Variants in KCTD16 observed in about 807,000 individuals in gnomAD.
KCTD16 encodes BTB/POZ domain-containing protein KCTD16.
Under a neutral mutation model 33.2 loss-of-function variants are expected in KCTD16, and 13 were observed. The ratio of observed to expected loss-of-function variants is 0.39; its 90% CI spans 0.25 to 0.62. KCTD16 has a LOEUF of 0.62. Ranked by LOEUF, KCTD16 falls within the 20% of genes least tolerant of loss-of-function variation. The pLI is 0.50. For synonymous variants in KCTD16, 197 were observed against 195.3 expected (o/e 1.01, Z -0.07); for missense variants, 441 against 525.1 (o/e 0.84, Z 1.57).
chr5:144,475,249 A>C lies in KCTD16; in HGVS notation c.*1135A>C, dbSNP rs771229611. On this transcript the variant is annotated 3_prime_UTR_variant, in exon 4 of 4. Transcript: ENST00000512467. ...ACACAACCTAATAATTTCTTATAAA[A>C]ATTTTAAACTACAAAGCTACATTTT... 6 of 152,224 alleles carry C rather than the reference A, an allele frequency of 3.9e-5. No individual in the cohort carries two copies. The highest frequency in any genetic ancestry group is 8.8e-5 in the Non-Finnish European group (6 of 68,040). 9.4% of individuals were successfully genotyped at this position (152,224 alleles called of 1,614,324 possible).
intron 3 of KCTD16, among the ~76,000 whole-genome samples, chr5:144,327,833 G>A (rs1190659405): frequency 1.3e-5 from 2 of 151,830 alleles, no homozygotes; most frequent in Non-Finnish European, 2.9e-5. Context: ...ATAATTATTT[G>A]GGTTCCTAAT....
rs182325728 is a variant in KCTD16 at position 144,299,266 on chromosome 5, C to A, written c.832+91720C>A. 1.8e-4 allele frequency among the ~76,000 whole-genome samples: 27 copies of A among 148,838 alleles called. No homozygotes were observed. The East Asian group carries it at 4.4e-3, about 24-fold the overall frequency. On this transcript the variant is annotated intron_variant, in intron 3 of 3. Transcript: ENST00000512467. ...AACCTCTTTCATTTTCAACCTTTTC[C>A]TCAAAAAGAACCAAGAAGGGAAACA...
chr5:144,416,907 CAT>C (rs1308576997), intron 3 of KCTD16, among the ~76,000 whole-genome samples: 1 of 152,140 alleles, frequency 6.6e-6, no homozygotes, highest in African/African-American at 2.4e-5. Flanking sequence ...TTTCCCCTAA[CAT>C]AATGTTTGGA....
intron 3 of KCTD16, among the ~76,000 whole-genome samples, chr5:144,304,977 C>CTTT (rs146638360): frequency 5.2e-4 from 43 of 83,406 alleles, no homozygotes; most frequent in South Asian, 1.4e-3. Flanking sequence ...ATATCAAAAT[C>CTTT]TTTTTTTTTT....
chr5:144,207,548 T>C lies in KCTD16; in HGVS notation c.832+2T>C. On this transcript the variant is annotated splice_donor_variant, in intron 3 of 3. Coordinates refer to ENST00000512467, the MANE Select transcript of KCTD16 (RefSeq NM_020768.4). LOFTEE classifies it high-confidence loss of function. ...GCTACACTGAATATGTCTTCTACCGTAAGTACAAAGGGTTGTTTTAATTTT... is the reference window on the plus strand; with the variant it reads ...GCTACACTGAATATGTCTTCTACCGCAAGTACAAAGGGTTGTTTTAATTTT... The C allele has an allele frequency of 6.2e-7, 1 of 1,603,928 alleles. No homozygotes were observed. The highest frequency in any genetic ancestry group is 8.5e-7 in the Non-Finnish European group (1 of 1,172,870).
intron 3 of KCTD16, among the ~76,000 whole-genome samples, chr5:144,258,381 G>A (rs953410352): frequency 9.2e-5 from 14 of 151,870 alleles, no homozygotes; most frequent in African/African-American, 3.1e-4. Context: ...ATTTATCATG[G>A]TATTCAAGTT....
At chr5:144,243,568 ATTTAT>A (rs1199299707) in intron 3 of KCTD16, among the ~76,000 whole-genome samples, 2 of 151,928 alleles carry the variant, frequency 1.3e-5, no homozygotes, top group Non-Finnish European at 2.9e-5. Context: ...AATCCCAGAC[ATTTAT>A]TTGAAAAAAC....
chr5:144,407,464 A>C (rs1167358743), intron 3 of KCTD16, among the ~76,000 whole-genome samples: 1 of 151,966 alleles, frequency 6.6e-6, no homozygotes, highest in South Asian at 2.1e-4. Context: ...TTTAGCGTAC[A>C]TATTATTTTG....
intron 3 of KCTD16, among the ~76,000 whole-genome samples, chr5:144,318,774 C>G (rs1751994323): frequency 6.6e-6 from 1 of 152,138 alleles, no homozygotes; most frequent in Admixed American, 6.5e-5. Flanking sequence ...TAGCTTGTCT[C>G]TATATTCTTC....
chr5:144,316,126 C>T (rs575380769), intron 3 of KCTD16, among the ~76,000 whole-genome samples: 28 of 151,992 alleles, frequency 1.8e-4, no homozygotes, highest in African/African-American at 6.5e-4. Context: ...GTTACAACAA[C>T]AGGTACCAAA....
At chr5:144,299,102 A>T (rs1315008692) in intron 3 of KCTD16, among the ~76,000 whole-genome samples, 3 of 8,232 alleles carry the variant, frequency 3.6e-4, no homozygotes, top group Non-Finnish European at 5.3e-4. Flanking sequence ...CTATGTATAT[A>T]TATATATATA....
chr5:144,328,894 T>C (rs1387040072), intron 3 of KCTD16, among the ~76,000 whole-genome samples: 1 of 151,856 alleles, frequency 6.6e-6, no homozygotes, highest in East Asian at 1.9e-4. Flanking sequence ...TCTGATTTCT[T>C]ATTGCCTGAT....
At chr5:144,335,526 C>T (rs1236396106) in intron 3 of KCTD16, among the ~76,000 whole-genome samples, 2 of 150,100 alleles carry the variant, frequency 1.3e-5, no homozygotes, top group Non-Finnish European at 3.0e-5. Context: ...TAAAAGAGCT[C>T]AGGTTCTAGT....
At position 144,476,212 on chromosome 5, in the gene KCTD16, C is replaced by T. The variant is rs954218287; in HGVS notation, c.*2098C>T. On this transcript the variant is annotated 3_prime_UTR_variant, in exon 4 of 4. Transcript: ENST00000512467. ...TGAATTTGGGGAAAATATCCTGAAA[C>T]TCACTTTGGTCAAATGATTATTGTG... is the stretch of plus-strand genomic sequence containing the variant. 5 of 152,138 alleles carry T rather than the reference C, an allele frequency of 3.3e-5. No individual in the cohort carries two copies. The highest frequency in any genetic ancestry group is 1.2e-4 in the African/African-American group (5 of 41,428). 9.4% of individuals were successfully genotyped at this position (152,138 alleles called of 1,614,324 possible).
intron 3 of KCTD16, among the ~76,000 whole-genome samples, chr5:144,459,893 G>A (rs1437757226): frequency 2.9e-5 from 4 of 136,982 alleles, no homozygotes; most frequent in African/African-American, 1.1e-4. Flanking sequence ...GTGCAGTGGC[G>A]TGATCTTGGC....
At chr5:144,227,746 G>A (rs1753978203) in intron 3 of KCTD16, among the ~76,000 whole-genome samples, 1 of 152,156 alleles carries the variant, frequency 6.6e-6, no homozygotes, top group Non-Finnish European at 1.5e-5. Flanking sequence ...GCTCAGAGAA[G>A]GTCGATAGGA....
intron 3 of KCTD16, among the ~76,000 whole-genome samples, chr5:144,389,573 A>T (rs1752404926): frequency 6.6e-6 from 1 of 152,052 alleles, no homozygotes; most frequent in Non-Finnish European, 1.5e-5. Flanking sequence ...TTGTATAATT[A>T]TTTCATTATA....
chr5:144,453,936 T>C (rs965332008), intron 3 of KCTD16, among the ~76,000 whole-genome samples: 1 of 152,132 alleles, frequency 6.6e-6, no homozygotes, highest in African/African-American at 2.4e-5. Context: ...TAGGGTGACC[T>C]CATGTTCAGA....
At chr5:144,184,587 A>G (rs918738583) in intron 2 of KCTD16, among the ~76,000 whole-genome samples, 9 of 152,168 alleles carry the variant, frequency 5.9e-5, no homozygotes, top group African/African-American at 1.9e-4. Flanking sequence ...AAACTGCCAT[A>G]CTGTTTTCTA....
Sources: gnomAD v4.1 joint callset for allele counts (sites outside exome capture counted in the v4.1 genomes callset) on GRCh38, gnomAD v4.1.1 for gene constraint, MANE v1.5 for transcripts, NCBI Gene and HGNC (gene_info 2026-07-23, HGNC 2026-07-21) for gene names.